The following RPS23 variants were observed in gnomAD, a reference collection of about 807,000 sequenced individuals.
RPS23 encodes the protein ribosomal protein S23, also known as small ribosomal subunit protein uS12.
For synonymous variants in RPS23, 66 were observed against 60.4 expected, an observed-to-expected ratio of 1.09 and a Z score of -0.43; for missense variants, 73 against 174.5, an observed-to-expected ratio of 0.42 and a Z score of 3.28.
At position 82,275,661 on chromosome 5, in the gene RPS23, T is replaced by TGTGC. The variant is rs1228008402; in HGVS notation, c.*444_*447dup. ...GGCCCCTGTAAGATGGATACAAGAA[T>TGTGC]GTGCATTTCCAAGGGTACCTAAGAT... is the stretch of plus-strand genomic sequence containing the variant. On this transcript the variant is annotated 3_prime_UTR_variant, in exon 4 of 4. Transcript: ENST00000296674. 3.6e-6 allele frequency: 1 copy of TGTGC among 276,182 alleles called. No individual in the cohort carries two copies. Among genetic ancestry groups the TGTGC allele is most frequent in the African/African-American group, 2.2e-5 (1 of 45,418 alleles). 17.1% of individuals were successfully genotyped at this position (276,182 alleles called of 1,614,324 possible).
At chr5:82,277,527 A>G in intron 2 of RPS23, 166 bp downstream of exon 2, 3 of 739,774 alleles carry the variant, frequency 4.1e-6, no homozygotes, top group South Asian at 1.6e-5. Flanking sequence ...CCAAAAACTA[A>G]TTTTACCAAC....
In RPS23 at chr5:82,275,946, A is replaced by T. The variant is rs1747763640; in HGVS notation, c.*163T>A. 7.8e-6 allele frequency: 5 copies of T among 637,426 alleles called. No individual in the cohort carries two copies. The highest frequency in any genetic ancestry group is 1.4e-5 in the Non-Finnish European group (5 of 364,592). 39.5% of individuals were successfully genotyped at this position (637,426 alleles called of 1,614,324 possible). A position where few individuals can be genotyped will look rare whatever the true frequency, so the allele number is the denominator to read the frequency against. ...AAACAACCCTGTCTTATTGTCTCCT[A>T]AAATTGGTACAGGTCCTGCGTTTGC... is the stretch of plus-strand genomic sequence containing the variant. On this transcript the variant is annotated 3_prime_UTR_variant, in exon 4 of 4. Transcript: ENST00000296674.
In RPS23 at chr5:82,275,556, C is replaced by T; in HGVS notation, c.*553G>A. ...ATTCTCCTAAACACATTAATGTAGA[C>T]ACATTACAACACAGATCCTGACACC... On this transcript the variant is annotated 3_prime_UTR_variant, in exon 4 of 4. Transcript: ENST00000296674. The T allele has an allele frequency of 2.0e-6, 1 of 505,386 alleles. No individual in the cohort carries two copies. Among genetic ancestry groups the T allele is most frequent in the Non-Finnish European group, 3.5e-6 (1 of 284,660 alleles). 31.3% of individuals were successfully genotyped at this position (505,386 alleles called of 1,614,324 possible).
chr5:82,278,207 C>A, intron 1 of RPS23, 113 bp downstream of exon 1: 1 of 1,033,682 alleles, frequency 9.7e-7, no homozygotes, highest in South Asian at 1.4e-5. Context: ...CCGGCCCTCC[C>A]CCATGGAGCC....
At position 82,275,000 on chromosome 5, in the gene RPS23, T is replaced by C. The variant is rs1747741308; in HGVS notation, c.*1109A>G. 1.8e-6 allele frequency: 1 copy of C among 540,808 alleles called. No homozygotes were observed. Among genetic ancestry groups the C allele is most frequent in the African/African-American group, 1.9e-5 (1 of 52,906 alleles). The allele number at this position is 540,808 out of a possible 1,614,324, so 33.5% of individuals were successfully genotyped here. A position where few individuals can be genotyped will look rare whatever the true frequency, so the allele number is the denominator to read the frequency against. The stretch of plus-strand genomic sequence containing the variant: ...TTTGAGGATGACCAACTGAGACCAG[T>C]GTTGCTGGAGCACAAAGTGCCAAGG... On this transcript the variant is annotated 3_prime_UTR_variant, in exon 4 of 4. Coordinates refer to ENST00000296674, the MANE Select transcript of RPS23 (RefSeq NM_001025.5).
chr5:82,277,369 A>G (rs1747883927), intron 2 of RPS23: 1 of 359,594 alleles, frequency 2.8e-6, no homozygotes, highest in Non-Finnish European at 5.2e-6. Flanking sequence ...AGTTTTATCA[A>G]GTCGATAAAG....
chr5:82,276,906 G>A (rs996371564), intron 2 of RPS23: 29 of 186,038 alleles, frequency 1.6e-4, no homozygotes, highest in Non-Finnish European at 2.5e-4. Flanking sequence ...AGTCTGGGCC[G>A]GACACAGTGG....
chr5:82,276,703 A>C, intron 2 of RPS23, 185 bp from the exon 3 acceptor site: 1 of 690,376 alleles, frequency 1.4e-6, no homozygotes, highest in Non-Finnish European at 2.4e-6. Context: ...CAATGGGGGA[A>C]ATTTCTAGAC....
At chr5:82,278,121 ACC>A in intron 1 of RPS23, 197 bp downstream of exon 1, 1 of 720,228 alleles carries the variant, frequency 1.4e-6, no homozygotes, top group African/African-American at 1.8e-5. Context: ...GTCCCTCGGT[ACC>A]CCGACCTCGG....
In RPS23 at chr5:82,275,423, A is replaced by C; in HGVS notation, c.*686T>G. On this transcript the variant is annotated 3_prime_UTR_variant, in exon 4 of 4. Coordinates refer to ENST00000296674, the MANE Select transcript of RPS23 (RefSeq NM_001025.5). ...TGCTGACTAGTCTTTGAAGACATGAAGGTCTCTGACAACCTCATGAGAAGA... is the reference window on the plus strand; with the variant it reads ...TGCTGACTAGTCTTTGAAGACATGACGGTCTCTGACAACCTCATGAGAAGA... The C allele has an allele frequency of 7.6e-6, 5 of 659,704 alleles. No homozygotes were observed. The Admixed American group carries it at 8.8e-5, about 12-fold the overall frequency. The allele number at this position is 659,704 out of a possible 1,614,324, so 40.9% of individuals were successfully genotyped here.
chr5:82,274,433 G>A lies in RPS23; in HGVS notation c.*1676C>T, dbSNP rs1561388068. 1 of 152,324 alleles carries A rather than the reference G, an allele frequency of 6.6e-6. No individual in the cohort carries two copies. Among genetic ancestry groups the A allele is most frequent in the African/African-American group, 2.4e-5 (1 of 41,426 alleles). The allele number at this position is 152,324 out of a possible 1,614,324, so 9.4% of individuals were successfully genotyped here. ...TGCTTAGCAGTGAAAAGGGCGTCCT[G>A]GGTGCAGCCAACAGGGTACAGCTGC... is the stretch of plus-strand genomic sequence containing the variant. On this transcript the variant is annotated 3_prime_UTR_variant, in exon 4 of 4. Transcript: ENST00000296674.
At position 82,275,779 on chromosome 5, in the gene RPS23, G is replaced by T. The variant is rs1003192571; in HGVS notation, c.*330C>A. The stretch of plus-strand genomic sequence containing the variant: ...AAGAAAGTATCTCACTAGAATTTCA[G>T]TGAGTTTTTGAAGTTCCCTTAAAGT... On this transcript the variant is annotated 3_prime_UTR_variant, in exon 4 of 4. Coordinates refer to ENST00000296674, the MANE Select transcript of RPS23 (RefSeq NM_001025.5). The T allele has an allele frequency of 3.3e-5, 9 of 276,880 alleles. No homozygotes were observed. In the Admixed American group the frequency reaches 3.8e-4, roughly 12 times the overall value. The allele number at this position is 276,880 out of a possible 1,614,324, so 17.2% of individuals were successfully genotyped here. A position where few individuals can be genotyped will look rare whatever the true frequency, so the allele number is the denominator to read the frequency against.
chr5:82,275,288 T>A lies in RPS23; in HGVS notation c.*821A>T. On this transcript the variant is annotated 3_prime_UTR_variant, in exon 4 of 4. Transcript: ENST00000296674. ...CATTTCAACCATGCCACTGTATCCA[T>A]GAAAACTCTGAAACAAGTATTTGTG... The A allele has an allele frequency of 1.4e-6, 1 of 702,656 alleles. No homozygotes were observed. Among genetic ancestry groups the A allele is most frequent in the Non-Finnish European group, 2.6e-6 (1 of 385,008 alleles). The allele number at this position is 702,656 out of a possible 1,614,324, so 43.5% of individuals were successfully genotyped here. A position where few individuals can be genotyped will look rare whatever the true frequency, so the allele number is the denominator to read the frequency against.
Position 82,275,026 on chromosome 5 carries a change from A to T in RPS23, c.*1083T>A. 3.5e-6 allele frequency: 2 copies of T among 569,076 alleles called. No individual in the cohort carries two copies. The highest frequency in any genetic ancestry group is 4.4e-5 in the South Asian group (2 of 45,336). The allele number at this position is 569,076 out of a possible 1,614,324, so 35.3% of individuals were successfully genotyped here. On this transcript the variant is annotated 3_prime_UTR_variant, in exon 4 of 4. Transcript: ENST00000296674. ...GTTGCTGGAGCACAAAGTGCCAAGG[A>T]GAGAAATGGCAGGCTAAGGCTGGAA...
Position 82,276,275 on chromosome 5 carries a change from T to G in RPS23, c.286-20A>C. The stretch of plus-strand genomic sequence containing the variant: ...ATTTTCCTGGAATAAAATAAGAAGT[T>G]TATTTCTGGTGTTGGTGGCGATCAC... On this transcript the variant is annotated intron_variant, in intron 3 of 3. Coordinates refer to ENST00000296674, the MANE Select transcript of RPS23 (RefSeq NM_001025.5). The G allele has an allele frequency of 1.2e-6, 2 of 1,613,394 alleles. No individual in the cohort carries two copies. The highest frequency in any genetic ancestry group is 1.7e-6 in the Non-Finnish European group (2 of 1,179,630).
intron 2 of RPS23, chr5:82,277,396 T>C (rs570701520): frequency 2.5e-6 from 1 of 405,484 alleles, no homozygotes; most frequent in South Asian, 2.4e-5. Flanking sequence ...AGCTGACACG[T>C]GCCATTTACT....
chr5:82,277,474 C>T, intron 2 of RPS23: 1 of 567,842 alleles, frequency 1.8e-6, no homozygotes, highest in East Asian at 3.1e-5. Flanking sequence ...TTCTCCAATT[C>T]CTTCCAGGCC....
rs1256361747 is a variant in RPS23 at position 82,275,120 on chromosome 5, A to T, written c.*989T>A. On this transcript the variant is annotated 3_prime_UTR_variant, in exon 4 of 4. Coordinates refer to ENST00000296674, the MANE Select transcript of RPS23 (RefSeq NM_001025.5). ...AAAGGTTCTGCTCTTGATCCTACGG[A>T]AAGTGGGCAACCAAACCAATTGTTT... 3.0e-6 allele frequency: 2 copies of T among 667,916 alleles called. No individual in the cohort carries two copies. The highest frequency in any genetic ancestry group is 5.4e-6 in the Non-Finnish European group (2 of 367,424). 41.4% of individuals were successfully genotyped at this position (667,916 alleles called of 1,614,324 possible).
At position 82,277,808 on chromosome 5, in the gene RPS23, G is replaced by C; in HGVS notation, c.49C>G (p.Arg17Gly). ...LRTARKLRSH[R>G]RDQKWHDKQY... ...TTATCATGCCACTTCTGGTCTCGTCGGTGACTACGGAGCTTCCTAGCAGTA... is the reference window on the plus strand; with the variant it reads ...TTATCATGCCACTTCTGGTCTCGTCCGTGACTACGGAGCTTCCTAGCAGTA... Residue 17 changes from arginine (R) to glycine (G), a missense_variant, in exon 2 of 4, where the codon CGA (arginine) becomes GGA (glycine). Transcript: ENST00000296674. 6.2e-7 allele frequency: 1 copy of C among 1,613,838 alleles called. No homozygotes were observed. The highest frequency in any genetic ancestry group is 8.5e-7 in the Non-Finnish European group (1 of 1,179,766).
Sources: allele counts gnomAD v4.1 joint callset, GRCh38; gene constraint gnomAD v4.1.1; transcripts MANE v1.5; gene names NCBI Gene and HGNC (gene_info 2026-07-23, HGNC 2026-07-21).